Variants in ACER1 observed in about 807,000 individuals in gnomAD.
ACER1 encodes the protein alkaline ceramidase 1, also known as CTB-180A7.3.
In ACER1, 28 loss-of-function variants were observed where a neutral mutation model predicts 24.9. The ratio of observed to expected loss-of-function variants is 1.13; its 90% CI spans 0.83 to 1.54. ACER1 has a LOEUF of 1.54. ACER1 is among the 40% of genes most tolerant of loss of function. ACER1 has a pLI of 0.00. For missense variants in ACER1, 352 were observed against 349.3 expected (o/e 1.01, Z -0.06); for synonymous variants, 132 against 131.4 (o/e 1.00, Z -0.03).
intron 4 of ACER1, among the ~76,000 whole-genome samples, chr19:6,308,162 C>T (rs953183456): frequency 6.6e-5 from 10 of 151,872 alleles, no homozygotes; most frequent in African/African-American, 1.9e-4. Context: ...CAGCTGGGCG[C>T]GGCGGCTCAA....
chr19:6,312,161 A>G lies in ACER1; in HGVS notation c.338T>C (p.Leu113Pro). Reference protein sequence around the residue: ...WMPRCYFPSFLGGNRSQFIRL... With the variant: ...WMPRCYFPSFPGGNRSQFIRL... ...GCCCCTGACCCACCTGTTCCCCCCA[A>G]GGAAGGAGGGGAAATAGCAGCGGGG... The change falls in exon 3 of 6, where the codon CTT (leucine) becomes CCT (proline). Residue 113 changes from leucine to proline, a missense_variant. By Grantham distance (98) the Leu-to-Pro change is moderately conservative. Transcript: ENST00000301452. 2 of 1,613,524 alleles carry G rather than the reference A, an allele frequency of 1.2e-6. No individual in the cohort carries two copies. The highest frequency in any genetic ancestry group is 1.1e-5 in the South Asian group (1 of 91,022).
At chr19:6,354,944 T>C in the ACER1 span, among the ~76,000 whole-genome samples, 1 of 152,200 alleles carries the variant, frequency 6.6e-6, no homozygotes, top group Admixed American at 6.5e-5. Context: ...TGCCTCAGCC[T>C]GCCGAGTGCC....
At chr19:6,333,316 G>A in intron 1 of ACER1, 143 bp downstream of exon 1, 6 of 591,292 alleles carry the variant, frequency 1.0e-5, no homozygotes, top group Non-Finnish European at 1.7e-5. Context: ...AATGAAAGCT[G>A]GCACTCTTTG....
chr19:6,358,733 A>G, the ACER1 span, among the ~76,000 whole-genome samples: 1 of 151,770 alleles, frequency 6.6e-6, no homozygotes, highest in African/African-American at 2.4e-5. Flanking sequence ...CGCGAGTTCG[A>G]GACTAGCCTG....
chr19:6,322,153 C>T (rs1473553183), intron 1 of ACER1, among the ~76,000 whole-genome samples: 1 of 152,160 alleles, frequency 6.6e-6, no homozygotes, highest in Non-Finnish European at 1.5e-5. Context: ...TGGTTTCATG[C>T]ATGTAATTAT....
At chr19:6,348,463 T>TG in the ACER1 span, among the ~76,000 whole-genome samples, 1 of 127,182 alleles carries the variant, frequency 7.9e-6, no homozygotes, top group Non-Finnish European at 1.6e-5. Context: ...AGACTCCATC[T>TG]GGAAAAAAAA....
At chr19:6,325,766 G>A (rs987177459) in intron 1 of ACER1, among the ~76,000 whole-genome samples, 3 of 152,154 alleles carry the variant, frequency 2.0e-5, no homozygotes, top group South Asian at 4.2e-4. Context: ...GGGCTGAGAC[G>A]GGAGGACTGC....
the ACER1 span, among the ~76,000 whole-genome samples, chr19:6,339,057 A>C: frequency 6.6e-6 from 1 of 150,672 alleles, no homozygotes; most frequent in Non-Finnish European, 1.5e-5. Context: ...TTACATTTTT[A>C]GTAGAGATGG....
chr19:6,357,817 A>G, the ACER1 span, among the ~76,000 whole-genome samples: 2 of 152,110 alleles, frequency 1.3e-5, no homozygotes, highest in African/African-American at 2.4e-5. Context: ...AGAATAGTGA[A>G]GAAGAGACAG....
chr19:6,314,493 AG>A (rs1260948902), intron 1 of ACER1, among the ~76,000 whole-genome samples: 6 of 151,810 alleles, frequency 4.0e-5, no homozygotes, highest in Non-Finnish European at 7.4e-5. Context: ...AAAGGTCACA[AG>A]AACATTTGCA....
chr19:6,310,864 C>T (rs550664801), intron 3 of ACER1, among the ~76,000 whole-genome samples: 4 of 139,596 alleles, frequency 2.9e-5, no homozygotes, highest in Non-Finnish European at 6.0e-5. Flanking sequence ...GGGGACACAG[C>T]GAGACTTCAT....
the ACER1 span, among the ~76,000 whole-genome samples, chr19:6,348,048 C>A: frequency 6.8e-6 from 1 of 148,096 alleles, no homozygotes; most frequent in African/African-American, 2.5e-5. Context: ...CAGTGCCTGA[C>A]TAGAAGTGTT....
At chr19:6,355,959 G>C in the ACER1 span, among the ~76,000 whole-genome samples, 3 of 151,992 alleles carry the variant, frequency 2.0e-5, no homozygotes, top group African/African-American at 7.3e-5. Flanking sequence ...CCACCACCCC[G>C]TCTGGGAGGT....
the ACER1 span, among the ~76,000 whole-genome samples, chr19:6,346,176 C>T: frequency 2.0e-5 from 3 of 152,050 alleles, no homozygotes; most frequent in South Asian, 2.1e-4. Flanking sequence ...TGCATATGAT[C>T]GGATTATCCT....
chr19:6,337,640 TTTTCTTTTC>T (rs1489024113), upstream of ACER1, among the ~76,000 whole-genome samples: 3 of 114,496 alleles, frequency 2.6e-5, no homozygotes, highest in East Asian at 2.6e-4. Flanking sequence ...TTTCTTTTTC[TTTTCTTTTC>T]TTTCTTTCTT....
chr19:6,359,617 C>T, the ACER1 span, among the ~76,000 whole-genome samples: 3 of 151,808 alleles, frequency 2.0e-5, no homozygotes, highest in Non-Finnish European at 4.4e-5. Flanking sequence ...CACAACACCT[C>T]GCCTGAATCT....
chr19:6,349,463 AGG>A, the ACER1 span, among the ~76,000 whole-genome samples: 1 of 131,436 alleles, frequency 7.6e-6, no homozygotes, highest in African/African-American at 3.1e-5. Flanking sequence ...GAAGGAAGGA[AGG>A]AAAGAAGGAA....
intron 1 of ACER1, among the ~76,000 whole-genome samples, chr19:6,332,699 C>G (rs1232945669): frequency 6.6e-6 from 1 of 151,880 alleles, no homozygotes; most frequent in Non-Finnish European, 1.5e-5. Context: ...TTGAGACAGT[C>G]TCGCTTTTTC....
At chr19:6,308,597 G>T (rs879845161) in intron 4 of ACER1, among the ~76,000 whole-genome samples, 2 of 152,154 alleles carry the variant, frequency 1.3e-5, no homozygotes, top group Admixed American at 1.3e-4. Flanking sequence ...TGACTGCATA[G>T]TATTTATTCT....
Sources: allele counts gnomAD v4.1 joint callset (sites outside exome capture counted in the v4.1 genomes callset), GRCh38; gene constraint gnomAD v4.1.1; transcripts MANE v1.5; gene names NCBI Gene and HGNC (gene_info 2026-07-23, HGNC 2026-07-21).